The following PDE3A variants were observed in gnomAD, a reference collection of about 807,000 sequenced individuals.
PDE3A encodes cGMP-inhibited 3',5'-cyclic phosphodiesterase 3A.
PDE3A carries 43 observed loss-of-function variants against 98.3 expected under a neutral mutation model. The observed-to-expected ratio is 0.44, with a 90% CI of 0.34 to 0.56. The LOEUF (loss-of-function observed/expected upper bound fraction) is 0.56, where lower values mean the gene tolerates loss of function less well. Ranked by LOEUF, PDE3A falls within the 20% of genes least tolerant of loss-of-function variation. PDE3A has a pLI of 0.01. For synonymous variants in PDE3A, 663 were observed against 567.9 expected (o/e 1.17, Z -2.38); for missense variants, 1,427 against 1,440.7 (o/e 0.99, Z 0.15).
At chr12:20,412,388 A>C (rs1944348879) in intron 1 of PDE3A, among the ~76,000 whole-genome samples, 1 of 152,180 alleles carries the variant, frequency 6.6e-6, no homozygotes, top group Non-Finnish European at 1.5e-5. Flanking sequence ...TAATGTGTGA[A>C]AATATTTAAG....
chr12:20,398,761 G>A (rs941266268), intron 1 of PDE3A, among the ~76,000 whole-genome samples: 1 of 152,078 alleles, frequency 6.6e-6, no homozygotes, highest in Non-Finnish European at 1.5e-5. Flanking sequence ...TAGAATTTCA[G>A]TATTTTAAGA....
intron 2 of PDE3A, among the ~76,000 whole-genome samples, chr12:20,596,462 C>A (rs2121393774): frequency 6.6e-6 from 1 of 152,244 alleles, no homozygotes; most frequent in African/African-American, 2.4e-5. Context: ...AATAAGATTA[C>A]AACTGAAACC....
chr12:20,545,584 A>C (rs897250916), intron 1 of PDE3A, among the ~76,000 whole-genome samples: 5 of 152,048 alleles, frequency 3.3e-5, no homozygotes, highest in African/African-American at 1.2e-4. Context: ...TAAGAATTCT[A>C]AGGAATCTCT....
chr12:20,488,660 T>C (rs1049762800), intron 1 of PDE3A, among the ~76,000 whole-genome samples: 18 of 151,910 alleles, frequency 1.2e-4, no homozygotes, highest in Non-Finnish European at 5.9e-5. Context: ...CAGTGAGACA[T>C]CTTTACAACA....
intron 1 of PDE3A, among the ~76,000 whole-genome samples, chr12:20,435,448 C>T (rs6487088): frequency 0.75 from 114,394 of 151,998 alleles, 44,039 homozygotes; most frequent in East Asian, 0.97. Context: ...CCATATTCCA[C>T]TGATATTCTT....
At chr12:20,427,201 T>C (rs1944614971) in intron 1 of PDE3A, among the ~76,000 whole-genome samples, 1 of 152,224 alleles carries the variant, frequency 6.6e-6, no homozygotes, top group Non-Finnish European at 1.5e-5. Context: ...GAATATTGTA[T>C]TGTGTTGGGA....
At chr12:20,655,829 G>T (rs1407606123) in intron 15 of PDE3A, among the ~76,000 whole-genome samples, 1 of 152,146 alleles carries the variant, frequency 6.6e-6, no homozygotes, top group Non-Finnish European at 1.5e-5. Context: ...GATAGACATA[G>T]GGCGGTCAGT....
rs1345715365 is a variant in PDE3A at position 20,369,257 on chromosome 12, G to T, written c.-28G>T. ...GGCGGGGGCGTCGGGGGGCCACTGG[G>T]AATTCAGTGAAGAGGGCACCCTATA... On this transcript the variant is annotated 5_prime_UTR_variant, in exon 1 of 16. Coordinates refer to ENST00000359062, the MANE Select transcript of PDE3A (RefSeq NM_000921.5). 1 of 1,457,740 alleles carries T rather than the reference G, an allele frequency of 6.9e-7. No homozygotes were observed. Among genetic ancestry groups the T allele is most frequent in the South Asian group, 1.4e-5 (1 of 71,984 alleles). 90.3% of individuals were successfully genotyped at this position (1,457,740 alleles called of 1,614,324 possible).
At chr12:20,626,244 A>G (rs1326987407) in intron 5 of PDE3A, among the ~76,000 whole-genome samples, 1 of 147,504 alleles carries the variant, frequency 6.8e-6, no homozygotes, top group Non-Finnish European at 1.5e-5. Context: ...AAATTTGGTT[A>G]TTATCTGCAT....
At chr12:20,508,909 T>C (rs1189655350) in intron 1 of PDE3A, among the ~76,000 whole-genome samples, 5 of 152,044 alleles carry the variant, frequency 3.3e-5, no homozygotes, top group Admixed American at 2.6e-4. Context: ...ACTAGTTTTA[T>C]TCTTGGAGAT....
chr12:20,424,007 A>G (rs1001428866), intron 1 of PDE3A, among the ~76,000 whole-genome samples: 1 of 152,192 alleles, frequency 6.6e-6, no homozygotes, highest in African/African-American at 2.4e-5. Context: ...ATGAAGAAAT[A>G]GCAGTGTTCG....
intron 1 of PDE3A, among the ~76,000 whole-genome samples, chr12:20,414,523 G>T (rs1420348034): frequency 6.6e-6 from 1 of 152,138 alleles, no homozygotes; most frequent in Admixed American, 6.5e-5. Flanking sequence ...TTGATATTTT[G>T]TCTGAATTGA....
chr12:20,392,105 T>C (rs780169889), intron 1 of PDE3A, among the ~76,000 whole-genome samples: 9 of 151,908 alleles, frequency 5.9e-5, no homozygotes, highest in African/African-American at 2.2e-4. Context: ...TAGATGTATA[T>C]TTTGTTTGTA....
rs775502767 is a variant in PDE3A, at chr12:20,369,702, C to A, written c.418C>A (p.Leu140Met). 6.2e-7 allele frequency: 1 copy of A among 1,612,074 alleles called. No individual in the cohort carries two copies. The highest frequency in any genetic ancestry group is 8.5e-7 in the Non-Finnish European group (1 of 1,179,680). ...LQPSALLFSL[L>M]CAFFWMGLYL... The stretch of plus-strand genomic sequence containing the variant: ...GCCCTCGGCGCTGCTCTTCAGTCTC[C>A]TGTGTGCCTTCTTCTGGATGGGCTT... The change falls in exon 1 of 16, where the codon CTG (leucine) becomes ATG (methionine). Residue 140 changes from leucine (L) to methionine (M), a missense_variant. Leu to Met is a conservative substitution (Grantham distance 15). Coordinates refer to ENST00000359062, the MANE Select transcript of PDE3A (RefSeq NM_000921.5).
intron 1 of PDE3A, among the ~76,000 whole-genome samples, chr12:20,417,886 G>A (rs1944448346): frequency 6.6e-6 from 1 of 152,108 alleles, no homozygotes; most frequent in Non-Finnish European, 1.5e-5. Context: ...GCACATAAAT[G>A]TTATGTATTT....
chr12:20,487,501 TAAAAAAAA>T (rs34671800), intron 1 of PDE3A, among the ~76,000 whole-genome samples: 4 of 61,976 alleles, frequency 6.5e-5, no homozygotes, highest in African/African-American at 1.3e-4. Flanking sequence ...CTGTCTCTAC[TAAAAAAAA>T]AAAAAAAAAA....
intron 1 of PDE3A, among the ~76,000 whole-genome samples, chr12:20,442,392 C>T (rs1237326134): frequency 1.3e-5 from 2 of 152,082 alleles, no homozygotes; most frequent in Non-Finnish European, 2.9e-5. Flanking sequence ...ATCATAGTTA[C>T]CTCTGAAGGA....
intron 2 of PDE3A, among the ~76,000 whole-genome samples, chr12:20,581,616 C>G (rs10551869): frequency 1.4e-3 from 6 of 4,170 alleles, no homozygotes; most frequent in South Asian, 0.019. Flanking sequence ...CTTTTCTTTT[C>G]TTTTTTTTTT....
intron 1 of PDE3A, among the ~76,000 whole-genome samples, chr12:20,375,785 G>C (rs1943560043): frequency 6.6e-6 from 1 of 151,946 alleles, no homozygotes; most frequent in Non-Finnish European, 1.5e-5. Context: ...AAAAAGGGAA[G>C]TCACAGTGAA....
Sources: gnomAD v4.1 joint callset for allele counts (sites outside exome capture counted in the v4.1 genomes callset) on GRCh38, gnomAD v4.1.1 for gene constraint, MANE v1.5 for transcripts, NCBI Gene and HGNC (gene_info 2026-07-23, HGNC 2026-07-21) for gene names.